ANLN: variants seen among roughly 807,000 people sequenced by gnomAD.
ANLN encodes anillin, actin binding protein, also known as anillin.
ANLN carries 59 observed loss-of-function variants against 135.1 expected under a neutral mutation model. The observed-to-expected ratio is 0.44, with a 90% confidence interval of 0.35 to 0.54. ANLN has a LOEUF of 0.54. Ranked by LOEUF, ANLN falls within the 20% of genes least tolerant of loss-of-function variation. ANLN has a pLI of 0.00. For synonymous variants in ANLN, 406 were observed against 456.4 expected, an observed-to-expected ratio of 0.89 and a Z score of 1.41; for missense variants, 1,182 against 1,340.0, an observed-to-expected ratio of 0.88 and a Z score of 1.84.
rs184231021 is a variant in ANLN, at chr7:36,401,825, C to A, written c.487+2432C>A. ...AAATTGAGGACTAGCTAAAACAGGG[C>A]CTGGGGGAAGCAGCTTTCCAGTGAC... On this transcript the variant is annotated intron_variant, in intron 3 of 23. Coordinates refer to ENST00000265748, the MANE Select transcript of ANLN (RefSeq NM_018685.5). 4.5e-4 allele frequency among the ~76,000 whole-genome samples: 53 copies of A among 117,878 alleles called. 10 individuals are homozygous for A. Among genetic ancestry groups the A allele is most frequent in the Admixed American group, 3.8e-3 (48 of 12,596 alleles). The allele number at this position is 117,878 out of a possible 152,430, so 77.3% of individuals were successfully genotyped here.
At position 36,422,948 on chromosome 7, in the gene ANLN, T is replaced by C. The variant is rs1396433103; in HGVS notation, c.2476+139T>C. ...GCCTTTAGGTCCTTTTATTGAGATATAATAAAAATAAGAAAACTTCAGATA... is the reference window on the plus strand; with the variant it reads ...GCCTTTAGGTCCTTTTATTGAGATACAATAAAAATAAGAAAACTTCAGATA... On this transcript the variant is annotated intron_variant, in intron 14 of 23. Transcript: ENST00000265748. 10 of 654,476 alleles carry C rather than the reference T, an allele frequency of 1.5e-5. No homozygotes were observed. In the East Asian group the frequency reaches 3.0e-4, roughly 19 times the overall value. 40.5% of individuals were successfully genotyped at this position (654,476 alleles called of 1,614,324 possible).
At chr7:36,404,657 A>G (rs1365958352) in intron 3 of ANLN, among the ~76,000 whole-genome samples, 2 of 152,156 alleles carry the variant, frequency 1.3e-5, no homozygotes, top group Non-Finnish European at 1.5e-5. Context: ...AAAGCACTTT[A>G]TGGCTTCTCT....
chr7:36,410,869 G>T (rs535901050), intron 6 of ANLN, among the ~76,000 whole-genome samples, 165 bp downstream of exon 6: 1 of 152,254 alleles, frequency 6.6e-6, no homozygotes, highest in South Asian at 2.1e-4. Flanking sequence ...TGGTATGGCC[G>T]TAGACAGTAT....
chr7:36,411,206 A>T (rs1037577093), intron 7 of ANLN, 40 bp downstream of exon 7: 2 of 1,509,234 alleles, frequency 1.3e-6, no homozygotes, highest in Non-Finnish European at 1.8e-6. Flanking sequence ...CTTGGTCCCC[A>T]AATAGTTGGG....
Position 36,400,438 on chromosome 7 carries a change from C to T in ANLN, c.487+1045C>T, listed in dbSNP as rs565365321. Among the ~76,000 whole-genome samples the T allele has an allele frequency of 6.6e-5, 10 of 152,170 alleles. No individual in the cohort carries two copies. In the East Asian group the frequency reaches 1.2e-3, roughly 18 times the overall value. On this transcript the variant is annotated intron_variant, in intron 3 of 23. Transcript: ENST00000265748. ...GCAGCAGCACAGTCTTGGCTCATTG[C>T]GACTTCCGCCTCTCAGGTTCAAGCG...
chr7:36,421,127 G>A (rs1187877828), intron 12 of ANLN, among the ~76,000 whole-genome samples: 1 of 151,734 alleles, frequency 6.6e-6, no homozygotes, highest in Admixed American at 6.6e-5. Flanking sequence ...GATTGTAATG[G>A]CGCAATCTTG....
intron 3 of ANLN, among the ~76,000 whole-genome samples, chr7:36,401,407 C>T (rs1018095978): frequency 3.3e-5 from 5 of 152,128 alleles, no homozygotes; most frequent in East Asian, 1.9e-4. Flanking sequence ...GGCGCAATCT[C>T]GGCTCACTGC....
chr7:36,414,342 G>C (rs1562797742), intron 7 of ANLN, among the ~76,000 whole-genome samples: 1 of 152,176 alleles, frequency 6.6e-6, no homozygotes, highest in Non-Finnish European at 1.5e-5. Flanking sequence ...TTTGTGTGAT[G>C]GGATAAGGGG....
Position 36,399,398 on chromosome 7 carries a change from G to T in ANLN, c.487+5G>T, listed in dbSNP as rs995705682. On this transcript the variant is annotated splice_donor_5th_base_variant and intron_variant, in intron 3 of 23. Coordinates refer to ENST00000265748, the MANE Select transcript of ANLN (RefSeq NM_018685.5). ...GGGATAATGATGATATGACAGGTAT[G>T]AATTGTATAGATGGTATGGCCCATA... The T allele has an allele frequency of 8.2e-6, 13 of 1,594,086 alleles. No homozygotes were observed. The highest frequency in any genetic ancestry group is 1.1e-5 in the South Asian group (1 of 87,580).
chr7:36,410,680 C>A lies in ANLN; in HGVS notation c.1263C>A (p.Thr421=). Residue 421 remains threonine (T), a synonymous_variant, in exon 6 of 24, where the codon ACC becomes ACA. Coordinates refer to ENST00000265748, the MANE Select transcript of ANLN (RefSeq NM_018685.5). ...AGCAAGACACATCTTCATCTACTACCCATTTAGCACAACAGCTCAAGCAGG... is the reference window on the plus strand; with the variant it reads ...AGCAAGACACATCTTCATCTACTACACATTTAGCACAACAGCTCAAGCAGG... ...LFKQDTSSST[T]HLAQQLKQER... 1 of 1,613,896 alleles carries A rather than the reference C, an allele frequency of 6.2e-7. No homozygotes were observed. Among genetic ancestry groups the A allele is most frequent in the Non-Finnish European group, 8.5e-7 (1 of 1,179,896 alleles).
chr7:36,425,637 A>T (rs1162450720), intron 17 of ANLN, 65 bp from the exon 18 acceptor site: 14 of 1,245,092 alleles, frequency 1.1e-5, no homozygotes, highest in African/African-American at 1.5e-5. Context: ...AAGGTTGGAT[A>T]GTTTTACTTT....
At chr7:36,449,565 G>T in intron 22 of ANLN, 100 bp from the exon 23 acceptor site, 4 of 888,022 alleles carry the variant, frequency 4.5e-6, no homozygotes, top group South Asian at 2.4e-5. Flanking sequence ...TTAAATAATA[G>T]CTTTTTAATA....
At chr7:36,395,830 T>C (rs1203245871) in intron 1 of ANLN, among the ~76,000 whole-genome samples, 1 of 152,032 alleles carries the variant, frequency 6.6e-6, no homozygotes, top group African/African-American at 2.4e-5. Context: ...GTGTCTCCTC[T>C]AGTAGACTTA....
At chr7:36,411,550 T>G (rs1229414465) in intron 7 of ANLN, among the ~76,000 whole-genome samples, 1 of 152,216 alleles carries the variant, frequency 6.6e-6, no homozygotes, top group Non-Finnish European at 1.5e-5. Flanking sequence ...TCTGGGATCC[T>G]TTCAGTCACC....
chr7:36,415,657 C>A (rs1212534577), intron 7 of ANLN, 101 bp from the exon 8 acceptor site: 1 of 1,288,402 alleles, frequency 7.8e-7, no homozygotes, highest in Non-Finnish European at 1.0e-6. Flanking sequence ...GAAACTTATA[C>A]AGAATAATAT....
chr7:36,435,957 T>C (rs1048110036), intron 20 of ANLN, among the ~76,000 whole-genome samples: 2 of 151,124 alleles, frequency 1.3e-5, no homozygotes, highest in African/African-American at 4.9e-5. Flanking sequence ...AAAAATAATG[T>C]ATTGAAATGA....
At chr7:36,422,886 G>C in intron 14 of ANLN, 77 bp downstream of exon 14, 1 of 1,353,056 alleles carries the variant, frequency 7.4e-7, no homozygotes, top group South Asian at 1.6e-5. Flanking sequence ...ATAGAAACAA[G>C]TAAATCATGC....
intron 21 of ANLN, among the ~76,000 whole-genome samples, chr7:36,439,676 A>G (rs542248134): frequency 6.6e-6 from 1 of 152,378 alleles, no homozygotes; most frequent in African/African-American, 2.4e-5. Flanking sequence ...GAGAAAGATG[A>G]GAAGTGCTCC....
In ANLN at chr7:36,426,942, G is replaced by A; in HGVS notation, c.2797G>A (p.Ala933Thr). The change falls in exon 20 of 24, where the codon GCT becomes ACT. Residue 933 changes from alanine (A) to threonine (T), a missense_variant. By Grantham distance (58) the Ala-to-Thr change is moderately conservative. Coordinates refer to ENST00000265748, the MANE Select transcript of ANLN (RefSeq NM_018685.5). Reference sequence around the variant, plus strand: ...CATGGCCAGTCCAGGAGGTCTTAGTGCTGTGCGAACCAGCAACTTCGCCCT... The same window carrying A: ...CATGGCCAGTCCAGGAGGTCTTAGTACTGTGCGAACCAGCAACTTCGCCCT... The part of the protein sequence containing the change: ...SVMASPGGLS[A>T]VRTSNFALVG... 3 of 1,611,538 alleles carry A rather than the reference G, an allele frequency of 1.9e-6. No individual in the cohort carries two copies. Among genetic ancestry groups the A allele is most frequent in the Non-Finnish European group, 2.5e-6 (3 of 1,179,206 alleles).
Sources: gnomAD v4.1 joint callset for allele counts (sites outside exome capture counted in the v4.1 genomes callset) on GRCh38, gnomAD v4.1.1 for gene constraint, MANE v1.5 for transcripts, NCBI Gene and HGNC (gene_info 2026-07-23, HGNC 2026-07-21) for gene names.